Variants in DCDC1 observed in about 807,000 individuals in gnomAD.
DCDC1 encodes doublecortin domain-containing protein 1.
Under a neutral mutation model 178.3 loss-of-function variants are expected in DCDC1, and 200 were observed. The observed-to-expected ratio is 1.12, with a 90% CI of 1.00 to 1.26. The LOEUF (loss-of-function observed/expected upper bound fraction) is 1.26, where lower values mean the gene tolerates loss of function less well. Among genes scored for constraint, DCDC1 ranks in the 50% most tolerant of loss-of-function variants. DCDC1 has a pLI of 0.00. For missense variants in DCDC1, 1,983 were observed against 1,749.2 expected, an observed-to-expected ratio of 1.13 and a Z score of -2.38; for synonymous variants, 690 against 604.8, an observed-to-expected ratio of 1.14 and a Z score of -2.07.
chr11:30,991,294 A>G (rs1235151973), intron 20 of DCDC1, among the ~76,000 whole-genome samples: 1 of 152,174 alleles, frequency 6.6e-6, no homozygotes, highest in African/African-American at 2.4e-5. Flanking sequence ...ACATTTATCA[A>G]AACATCAGAG....
At chr11:31,362,884 C>G (rs1206286765) in intron 1 of DCDC1, among the ~76,000 whole-genome samples, 2 of 152,076 alleles carry the variant, frequency 1.3e-5, no homozygotes, top group African/African-American at 4.8e-5. Flanking sequence ...CAGTCTCTAA[C>G]TAATTAAACT....
chr11:31,325,572 A>G (rs1949602346), intron 3 of DCDC1, among the ~76,000 whole-genome samples: 3 of 152,128 alleles, frequency 2.0e-5, no homozygotes, highest in Admixed American at 1.3e-4. Flanking sequence ...ACAGCAGAGG[A>G]AACACATGGA....
At chr11:31,089,872 T>C (rs1047246622) in intron 17 of DCDC1, among the ~76,000 whole-genome samples, 1 of 152,200 alleles carries the variant, frequency 6.6e-6, no homozygotes, top group African/African-American at 2.4e-5. Context: ...GCTGCTTTAA[T>C]GTCCCATCCA....
At chr11:31,113,055 T>C (rs1173718593) in intron 11 of DCDC1, among the ~76,000 whole-genome samples, 3 of 152,172 alleles carry the variant, frequency 2.0e-5, no homozygotes, top group African/African-American at 2.4e-5. Context: ...CTGAAGTTTG[T>C]ATAATTTAGT....
chr11:31,200,403 A>G (rs1971150944), intron 9 of DCDC1, among the ~76,000 whole-genome samples: 1 of 152,090 alleles, frequency 6.6e-6, no homozygotes, highest in Non-Finnish European at 1.5e-5. Flanking sequence ...TACAGAACAT[A>G]TTTAGTAATT....
chr11:31,055,912 C>T (rs888957094), intron 20 of DCDC1, among the ~76,000 whole-genome samples: 5 of 152,016 alleles, frequency 3.3e-5, no homozygotes, highest in Non-Finnish European at 7.4e-5. Context: ...ACACTGCTCG[C>T]GTGATGGGTG....
chr11:31,078,358 A>G (rs1177606980), intron 17 of DCDC1, among the ~76,000 whole-genome samples: 1 of 152,232 alleles, frequency 6.6e-6, no homozygotes, highest in Non-Finnish European at 1.5e-5. Context: ...AAACAGCTAG[A>G]GAATTTTGTC....
chr11:30,932,052 A>G, intron 21 of DCDC1, 100 bp from the exon 22 acceptor site: 1 of 1,173,438 alleles, frequency 8.5e-7, no homozygotes, highest in Non-Finnish European at 1.1e-6. Context: ...TTAATCTCTC[A>G]TTCATTCAAC....
At chr11:31,028,367 C>G (rs1013969548) in intron 20 of DCDC1, among the ~76,000 whole-genome samples, 1 of 151,840 alleles carries the variant, frequency 6.6e-6, no homozygotes, top group Non-Finnish European at 1.5e-5. Flanking sequence ...AATGTCTTCT[C>G]GAAATGTTCA....
chr11:30,977,449 AC>A (rs1475537044), intron 20 of DCDC1, among the ~76,000 whole-genome samples: 3 of 152,240 alleles, frequency 2.0e-5, no homozygotes, highest in African/African-American at 7.2e-5. Context: ...ATAAATATGT[AC>A]AAATATTACG....
intron 9 of DCDC1, among the ~76,000 whole-genome samples, chr11:31,185,616 GAAAAT>G (rs1969381514): frequency 2.0e-5 from 3 of 152,076 alleles, no homozygotes; most frequent in Admixed American, 2.0e-4. Flanking sequence ...CAATTGTGTG[GAAAAT>G]AAAATAAAAC....
At chr11:30,991,639 C>T (rs1269343027) in intron 20 of DCDC1, among the ~76,000 whole-genome samples, 1 of 152,136 alleles carries the variant, frequency 6.6e-6, no homozygotes, top group Admixed American at 6.5e-5. Context: ...CACATTTGAT[C>T]TCTGCTGTCT....
chr11:31,065,941 G>A (rs1956226544), intron 18 of DCDC1, among the ~76,000 whole-genome samples: 1 of 152,008 alleles, frequency 6.6e-6, no homozygotes, highest in Non-Finnish European at 1.5e-5. Flanking sequence ...TTATTTGTTG[G>A]GCTCCCCGGT....
intron 7 of DCDC1, among the ~76,000 whole-genome samples, chr11:31,274,443 G>A (rs1267878768): frequency 6.6e-6 from 1 of 152,100 alleles, no homozygotes; most frequent in East Asian, 1.9e-4. Flanking sequence ...TACATGTGGA[G>A]TAGGTGGCAT....
chr11:31,031,147 C>T (rs1953598072), intron 20 of DCDC1, among the ~76,000 whole-genome samples: 1 of 152,024 alleles, frequency 6.6e-6, no homozygotes. Context: ...AATTTTGAAT[C>T]ACGAACATGT....
chr11:31,357,789 C>G (rs950919534), intron 1 of DCDC1, among the ~76,000 whole-genome samples: 4 of 151,632 alleles, frequency 2.6e-5, no homozygotes, highest in Non-Finnish European at 5.9e-5. Context: ...TCTTATACAC[C>G]AATAACAGAC....
chr11:31,207,894 G>C (rs772098045), intron 9 of DCDC1, among the ~76,000 whole-genome samples: 19 of 152,120 alleles, frequency 1.2e-4, no homozygotes, highest in Admixed American at 5.9e-4. Context: ...ATTTTCCATT[G>C]TCTTCCCACT....
intron 20 of DCDC1, among the ~76,000 whole-genome samples, chr11:31,049,581 G>A (rs1955099683): frequency 6.6e-6 from 1 of 152,072 alleles, no homozygotes; most frequent in Non-Finnish European, 1.5e-5. Flanking sequence ...GCTCTAGATC[G>A]ACTGCATGAA....
intron 36 of DCDC1, among the ~76,000 whole-genome samples, chr11:30,888,102 G>GAA (rs1565029751): frequency 3.1e-4 from 15 of 47,686 alleles, no homozygotes; most frequent in Admixed American, 1.1e-3. Context: ...GAAAGAAAAA[G>GAA]AAAGAAAGAA....
Sources: allele counts gnomAD v4.1 joint callset (sites outside exome capture counted in the v4.1 genomes callset), GRCh38; gene constraint gnomAD v4.1.1; transcripts MANE v1.5; gene names NCBI Gene and HGNC (gene_info 2026-07-23, HGNC 2026-07-21).